The following GRID2 variants were observed in gnomAD, a reference collection of about 807,000 sequenced individuals.
GRID2 encodes the protein glutamate receptor ionotropic, delta-2.
In GRID2, 33 loss-of-function variants were observed where a neutral mutation model predicts 114.8. The observed-to-expected ratio is 0.29, with a 90% CI of 0.22 to 0.38. The LOEUF (loss-of-function observed/expected upper bound fraction) is 0.38, where lower values mean the gene tolerates loss of function less well. Ranked by LOEUF, GRID2 falls within the 10% of genes least tolerant of loss-of-function variation. The probability of loss-of-function intolerance (pLI) is 1.00; values close to 1 mark genes in which losing one functional copy is unlikely to be tolerated. For missense variants in GRID2, 1,184 were observed against 1,257.7 expected (o/e 0.94, Z 0.89); for synonymous variants, 505 against 449.9 (o/e 1.12, Z -1.55).
At chr4:92,759,612 T>A (rs768536963) in intron 2 of GRID2, among the ~76,000 whole-genome samples, 9 of 152,066 alleles carry the variant, frequency 5.9e-5, no homozygotes, top group Non-Finnish European at 1.3e-4. Flanking sequence ...CAGCTCTTTT[T>A]TATTCTTTTC....
At chr4:92,315,992 G>GCAAAAAAAAAAAAAAAAAAAAAAAAAAA (rs1579166924) in intron 1 of GRID2, among the ~76,000 whole-genome samples, 1 of 31,356 alleles carries the variant, frequency 3.2e-5, no homozygotes, top group Non-Finnish European at 5.6e-5. Flanking sequence ...AAAACAAAAA[G>GCAAAAAAAAAAAAAAAAAAAAAAAAAAA]CAAAAAAAAA....
At chr4:92,659,053 C>A (rs899298834) in intron 2 of GRID2, among the ~76,000 whole-genome samples, 1 of 133,542 alleles carries the variant, frequency 7.5e-6, no homozygotes, top group South Asian at 2.8e-4. Context: ...TTCTGTGCCC[C>A]AATAGATTAC....
intron 11 of GRID2, among the ~76,000 whole-genome samples, chr4:93,478,575 TATTAA>T (rs760655413): frequency 7.0e-4 from 106 of 151,400 alleles, no homozygotes; most frequent in Non-Finnish European, 1.4e-3. Context: ...TATGATAAAA[TATTAA>T]ATTATATAAT....
intron 4 of GRID2, among the ~76,000 whole-genome samples, chr4:93,150,132 C>T (rs758149350): frequency 1.2e-4 from 19 of 152,210 alleles, no homozygotes; most frequent in South Asian, 4.1e-4. Context: ...AGTTGAATAA[C>T]TCATCTGGTC....
At chr4:93,610,526 G>T (rs1344886779) in intron 13 of GRID2, among the ~76,000 whole-genome samples, 1 of 3,910 alleles carries the variant, frequency 2.6e-4, no homozygotes, top group Admixed American at 1.9e-3. Flanking sequence ...AGCATGAAGG[G>T]TTGTTGAATT....
At chr4:92,476,243 T>C (rs1345733194) in intron 1 of GRID2, among the ~76,000 whole-genome samples, 2 of 152,094 alleles carry the variant, frequency 1.3e-5, no homozygotes, top group African/African-American at 2.4e-5. Flanking sequence ...GCCAGGATGG[T>C]CTCGATCTCC....
At chr4:92,875,176 T>TTTTTC (rs1491137154) in intron 2 of GRID2, among the ~76,000 whole-genome samples, 1 of 115,778 alleles carries the variant, frequency 8.6e-6, no homozygotes, top group Non-Finnish European at 1.9e-5. Context: ...TTTTTTTTTT[T>TTTTTC]CCCGAGACGG....
At chr4:92,459,311 A>G (rs960995972) in intron 1 of GRID2, among the ~76,000 whole-genome samples, 1 of 152,188 alleles carries the variant, frequency 6.6e-6, no homozygotes, top group African/African-American at 2.4e-5. Context: ...GCCAAAGTCC[A>G]CATGATATAT....
Position 93,408,697 on chromosome 4 carries a change from T to C in GRID2, c.1347+12989T>C, listed in dbSNP as rs6850892. On this transcript the variant is annotated intron_variant, in intron 9 of 15. Transcript: ENST00000282020. ...GTAGTAATATTCCTTTATATGCTTA[T>C]TGTGACACACAGAAACTTAAAGCCT... Among the ~76,000 whole-genome samples, 1,283 of 152,224 alleles carry C rather than the reference T, an allele frequency of 8.4e-3. 18 individuals are homozygous for C. Among genetic ancestry groups the C allele is most frequent in the African/African-American group, 0.029 (1,190 of 41,540 alleles).
chr4:93,012,740 T>C (rs1722307550), intron 2 of GRID2, among the ~76,000 whole-genome samples: 1 of 152,056 alleles, frequency 6.6e-6, no homozygotes, highest in Middle Eastern at 3.2e-3. Context: ...TGAATGAAAT[T>C]GCCTTTAAAT....
At chr4:93,316,873 T>A (rs972921363) in intron 8 of GRID2, among the ~76,000 whole-genome samples, 1 of 152,106 alleles carries the variant, frequency 6.6e-6, no homozygotes, top group African/African-American at 2.4e-5. Flanking sequence ...CATTTAATGA[T>A]TTAAATATGT....
At chr4:92,569,237 C>T (rs1727493970) in intron 1 of GRID2, among the ~76,000 whole-genome samples, 1 of 151,976 alleles carries the variant, frequency 6.6e-6, no homozygotes, top group African/African-American at 2.4e-5. Flanking sequence ...GTTCTCTGTT[C>T]CTGAATTAGT....
intron 2 of GRID2, among the ~76,000 whole-genome samples, chr4:92,863,830 C>T (rs1744688615): frequency 6.6e-6 from 1 of 151,998 alleles, no homozygotes. Context: ...GCCCTGAGAT[C>T]ATCGCACTCT....
chr4:93,067,842 C>G (rs1333448885), intron 2 of GRID2, among the ~76,000 whole-genome samples: 3 of 151,982 alleles, frequency 2.0e-5, no homozygotes, highest in Non-Finnish European at 4.4e-5. Flanking sequence ...GATTATCCAA[C>G]TAGTTTAGGC....
At chr4:93,690,283 TAAG>T (rs1726443466) in intron 14 of GRID2, among the ~76,000 whole-genome samples, 1 of 151,932 alleles carries the variant, frequency 6.6e-6, no homozygotes, top group Non-Finnish European at 1.5e-5. Flanking sequence ...AAACGCACAA[TAAG>T]ATAACTTCTG....
intron 1 of GRID2, among the ~76,000 whole-genome samples, chr4:93,796,876 A>T (rs2053355): frequency 0.8 from 121,061 of 152,156 alleles, 48,201 homozygotes; most frequent in Admixed American, 0.86. Context: ...AAAGAGTGTT[A>T]AGCTATCCAA....
At chr4:93,038,527 A>C (rs6833069) in intron 2 of GRID2, among the ~76,000 whole-genome samples, 7,155 of 152,164 alleles carry the variant, frequency 0.047, 296 homozygotes, top group East Asian at 0.19. Context: ...GTGGTGGCTC[A>C]CGCCTGTAAT....
At chr4:92,392,225 C>T (rs986657192) in intron 1 of GRID2, among the ~76,000 whole-genome samples, 10 of 152,050 alleles carry the variant, frequency 6.6e-5, no homozygotes, top group Non-Finnish European at 1.2e-4. Context: ...CATGATAACC[C>T]TTTAATTCTA....
intron 2 of GRID2, among the ~76,000 whole-genome samples, chr4:92,917,609 A>C (rs571780142): frequency 1.3e-5 from 2 of 152,320 alleles, no homozygotes; most frequent in Admixed American, 1.3e-4. Context: ...ATCATTTATA[A>C]ATAGGGAATC....
Sources: allele counts gnomAD v4.1 joint callset (sites outside exome capture counted in the v4.1 genomes callset), GRCh38; gene constraint gnomAD v4.1.1; transcripts MANE v1.5; gene names NCBI Gene and HGNC (gene_info 2026-07-23, HGNC 2026-07-21).